ZEB2: variants seen among roughly 807,000 people sequenced by gnomAD.
ZEB2 encodes zinc finger E-box-binding homeobox 2.
A neutral mutation model predicts 99.9 loss-of-function variants in ZEB2; 6 were observed. The observed-to-expected ratio is 0.06, with a 90% CI of 0.03 to 0.12. The LOEUF (loss-of-function observed/expected upper bound fraction) is 0.12, where lower values mean the gene tolerates loss of function less well. ZEB2 is among the 10% of genes least tolerant of loss of function. The probability of loss-of-function intolerance (pLI) is 1.00; values close to 1 mark genes in which losing one functional copy is unlikely to be tolerated. For missense variants in ZEB2, 969 were observed against 1,502.8 expected (o/e 0.64, Z 5.87); for synonymous variants, 517 against 542.5 (o/e 0.95, Z 0.65).
intron 9 of ZEB2, among the ~76,000 whole-genome samples, chr2:144,394,017 G>A (rs951264833): frequency 1.3e-5 from 2 of 152,196 alleles, no homozygotes; most frequent in African/African-American, 4.8e-5. Context: ...CGCCTCCCGG[G>A]TTCAAGTGAT....
intron 2 of ZEB2, among the ~76,000 whole-genome samples, chr2:144,473,395 T>C (rs937023365): frequency 6.6e-6 from 1 of 152,182 alleles, no homozygotes; most frequent in Non-Finnish European, 1.5e-5. Flanking sequence ...TGCTATGTGG[T>C]CCTAAAACGT....
In ZEB2 at chr2:144,399,774, A is replaced by T; in HGVS notation, c.1413T>A (p.Val471=). ...QKVLQIVDNT[V]SRQKMDCKAE... is the part of the protein sequence containing the mutation. ...CCTTGCAGTCCATTTTTTGCCTGGA[A>T]ACAGTATTGTCCACAATCTGTAGAA... Residue 471 remains valine (V), a synonymous_variant, in exon 8 of 10, where the codon GTT becomes GTA. Coordinates refer to ENST00000627532, the MANE Select transcript of ZEB2 (RefSeq NM_014795.4). The surrounding 1 kb of genome is among the most constrained non-coding windows in gnomAD (Gnocchi z 5.6). The T allele has an allele frequency of 1.2e-6, 2 of 1,613,884 alleles. No individual in the cohort carries two copies. The highest frequency in any genetic ancestry group is 8.5e-7 in the Non-Finnish European group (1 of 1,179,956).
At chr2:144,512,346 A>C in intron 2 of ZEB2, 1 of 1,287,252 alleles carries the variant, frequency 7.8e-7, no homozygotes, top group Non-Finnish European at 1.0e-6. Context: ...AGAATCTCCC[A>C]CATCTTAGAA....
chr2:144,513,403 T>C (rs1192998019), intron 2 of ZEB2: 9 of 1,375,410 alleles, frequency 6.5e-6, no homozygotes, highest in Non-Finnish European at 7.6e-6. Flanking sequence ...TCCTTCACAC[T>C]GTCCCCAACC....
At chr2:144,506,814 C>A (rs1407496425) in intron 2 of ZEB2, among the ~76,000 whole-genome samples, 1 of 151,982 alleles carries the variant, frequency 6.6e-6, no homozygotes, top group Admixed American at 6.6e-5. Context: ...GTCAGGAGTA[C>A]CTTTCCTTGA....
chr2:144,396,141 C>T (rs1703226810), intron 9 of ZEB2, among the ~76,000 whole-genome samples: 1 of 152,102 alleles, frequency 6.6e-6, no homozygotes, highest in Non-Finnish European at 1.5e-5. Context: ...TTTCATTGCC[C>T]TGGCCATCTG....
At chr2:144,479,539 C>T (rs887235552) in intron 2 of ZEB2, among the ~76,000 whole-genome samples, 1 of 152,066 alleles carries the variant, frequency 6.6e-6, no homozygotes, top group Non-Finnish European at 1.5e-5. Context: ...TTTAAAGGCC[C>T]TTGCAAAGGG....
chr2:144,485,182 A>G (rs1192532243), intron 2 of ZEB2, among the ~76,000 whole-genome samples: 1 of 152,184 alleles, frequency 6.6e-6, no homozygotes, highest in Non-Finnish European at 1.5e-5. Context: ...TTTCTACCCA[A>G]TGGGAAAAGT....
At chr2:144,479,497 G>A (rs1704477395) in intron 2 of ZEB2, among the ~76,000 whole-genome samples, 1 of 152,242 alleles carries the variant, frequency 6.6e-6, no homozygotes, top group South Asian at 2.1e-4. Context: ...AATTTTCAAG[G>A]TAGGCCACAC....
At chr2:144,390,243 CAAG>C (rs1187845863) in intron 9 of ZEB2, among the ~76,000 whole-genome samples, 2 of 152,256 alleles carry the variant, frequency 1.3e-5, no homozygotes, top group South Asian at 2.1e-4. Context: ...AGTTAATAAA[CAAG>C]AAGAACTTAG....
intron 2 of ZEB2, among the ~76,000 whole-genome samples, chr2:144,436,070 A>C (rs1220322642): frequency 2.0e-5 from 3 of 152,116 alleles, no homozygotes; most frequent in Non-Finnish European, 4.4e-5. Flanking sequence ...AGACAAACTC[A>C]AACAGAGATT....
At chr2:144,513,799 T>C in intron 2 of ZEB2, 4 of 1,536,054 alleles carry the variant, frequency 2.6e-6, no homozygotes, top group Non-Finnish European at 3.5e-6. Flanking sequence ...ACTCCAAGGC[T>C]GTGTGGAGAT....
intron 4 of ZEB2, among the ~76,000 whole-genome samples, chr2:144,416,767 C>G (rs1271580804): frequency 6.6e-6 from 1 of 152,128 alleles, no homozygotes; most frequent in Admixed American, 6.5e-5. Context: ...AGAGGCATAC[C>G]CAGCAAGTCT....
chr2:144,517,402 G>T lies in ZEB2; in HGVS notation c.-52C>A. Reference sequence around the variant, plus strand: ...CGCATGGACTCGGCGCCCTGCTTCGGCAGCACGCAGGCTCGATCTAGCAAC... The same window carrying T: ...CGCATGGACTCGGCGCCCTGCTTCGTCAGCACGCAGGCTCGATCTAGCAAC... On this transcript the variant is annotated 5_prime_UTR_variant, in exon 2 of 10. Coordinates refer to ENST00000627532, the MANE Select transcript of ZEB2 (RefSeq NM_014795.4). The T allele has an allele frequency of 6.2e-7, 1 of 1,600,736 alleles. No individual in the cohort carries two copies. The highest frequency in any genetic ancestry group is 8.6e-7 in the Non-Finnish European group (1 of 1,168,650).
Position 144,513,565 on chromosome 2 carries a change from CGTGCATGTCTCT to C in ZEB2, c.73+3701_73+3712del, listed in dbSNP as rs759656887. 3 of 1,527,530 alleles carry C rather than the reference CGTGCATGTCTCT, an allele frequency of 2.0e-6. No individual in the cohort carries two copies. The South Asian group carries it at 3.6e-5, about 18-fold the overall frequency. 94.6% of individuals were successfully genotyped at this position (1,527,530 alleles called of 1,614,324 possible). On this transcript the variant is annotated intron_variant, in intron 2 of 9. Transcript: ENST00000627532. ...TTTCCGGATTTGATTTTTGCTACAA[CGTGCATGTCTCT>C]GTGAGATTTTTCAGAGGCTGATGCT...
At chr2:144,450,814 T>C (rs1238187909) in intron 2 of ZEB2, among the ~76,000 whole-genome samples, 2 of 152,128 alleles carry the variant, frequency 1.3e-5, no homozygotes, top group Non-Finnish European at 2.9e-5. Context: ...TAGCTGGGAT[T>C]ACAGGCGCCC....
At chr2:144,402,599 T>C (rs1459170667) in intron 6 of ZEB2, among the ~76,000 whole-genome samples, 5 of 152,230 alleles carry the variant, frequency 3.3e-5, no homozygotes, top group Non-Finnish European at 7.3e-5. Context: ...GTAAATGCCA[T>C]GAGCAAATGA....
At chr2:144,409,313 C>A (rs1171149901) in intron 4 of ZEB2, among the ~76,000 whole-genome samples, 1 of 152,084 alleles carries the variant, frequency 6.6e-6, no homozygotes, top group Non-Finnish European at 1.5e-5. Flanking sequence ...TTGATTGTAT[C>A]TGAAAGTTTG....
chr2:144,498,042 ATAT>A (rs1243424680), intron 2 of ZEB2, among the ~76,000 whole-genome samples: 1,072 of 50,452 alleles, frequency 0.021, 234 homozygotes, highest in Middle Eastern at 0.099. Flanking sequence ...ATATATATTA[ATAT>A]TATATATTAT....
Sources: gnomAD v4.1 joint callset for allele counts (sites outside exome capture counted in the v4.1 genomes callset) on GRCh38, gnomAD v4.1.1 for gene constraint, Gnocchi (gnomAD v3.1) non-coding constraint, MANE v1.5 for transcripts, NCBI Gene and HGNC (gene_info 2026-07-23, HGNC 2026-07-21) for gene names.